SNCAIP: variants seen among roughly 807,000 people sequenced by gnomAD.
SNCAIP encodes the protein synphilin-1.
Under a neutral mutation model 86.7 loss-of-function variants are expected in SNCAIP, and 43 were observed. The observed-to-expected ratio is 0.50, with a 90% CI of 0.39 to 0.64. SNCAIP has a LOEUF of 0.64. Among genes scored for constraint, SNCAIP ranks in the 30% least tolerant of loss-of-function variants. The probability of loss-of-function intolerance (pLI) is 0.00; values close to 1 mark genes in which losing one functional copy is unlikely to be tolerated. For synonymous variants in SNCAIP, 417 were observed against 427.2 expected (o/e 0.98, Z 0.29); for missense variants, 981 against 1,103.1 (o/e 0.89, Z 1.57).
At chr5:122,407,434 C>T (rs879886400) in intron 3 of SNCAIP, among the ~76,000 whole-genome samples, 24 of 152,166 alleles carry the variant, frequency 1.6e-4, no homozygotes, top group Non-Finnish European at 2.9e-4. Flanking sequence ...CAGGGTCAGA[C>T]TCCTTGGGGA....
At chr5:122,395,067 C>T (rs554080415) in intron 2 of SNCAIP, among the ~76,000 whole-genome samples, 52 of 152,196 alleles carry the variant, frequency 3.4e-4, no homozygotes, top group African/African-American at 1.2e-3. Context: ...CATCACTATC[C>T]CTGATTGGCA....
intron 1 of SNCAIP, among the ~76,000 whole-genome samples, chr5:122,318,481 G>T (rs1752263350): frequency 6.6e-6 from 1 of 152,118 alleles, no homozygotes; most frequent in Non-Finnish European, 1.5e-5. Context: ...CCTGTGCTCA[G>T]TACAGTGCCT....
At chr5:122,385,989 T>A (rs546001046) in intron 1 of SNCAIP, among the ~76,000 whole-genome samples, 1 of 152,276 alleles carries the variant, frequency 6.6e-6, no homozygotes, top group African/African-American at 2.4e-5. Context: ...AATACATTTT[T>A]AAAAATTTTT....
chr5:122,461,435 G>A (rs1490052801), intron 10 of SNCAIP, among the ~76,000 whole-genome samples: 1 of 151,936 alleles, frequency 6.6e-6, no homozygotes. Flanking sequence ...CAATTTCTCT[G>A]TTCCCTCTTT....
In SNCAIP at chr5:122,423,711, T is replaced by A. The variant is rs1385625048; in HGVS notation, c.974T>A (p.Ile325Asn). 6.2e-7 allele frequency: 1 copy of A among 1,602,624 alleles called. No homozygotes were observed. The highest frequency in any genetic ancestry group is 2.2e-5 in the East Asian group (1 of 44,880). ...YLKKVKSILN[I>N]VKEGQISLLP... ...AAAAAAGTGAAAAGCATCTTGAACA[T>A]TGTTAAAGAAGGACAGATCTCTCTC... is the stretch of plus-strand genomic sequence containing the variant. Residue 325 changes from isoleucine (I) to asparagine (N), a missense_variant, in exon 4 of 11, where the codon ATT (isoleucine) becomes AAT (asparagine). By Grantham distance (149) the Ile-to-Asn change is moderately radical. Transcript: ENST00000261368.
At chr5:122,441,795 G>C (rs1780996390) in intron 7 of SNCAIP, among the ~76,000 whole-genome samples, 1 of 152,176 alleles carries the variant, frequency 6.6e-6, no homozygotes, top group Admixed American at 6.6e-5. Context: ...GATGGAAGAG[G>C]CATGACAATG....
intron 1 of SNCAIP, among the ~76,000 whole-genome samples, chr5:122,370,378 T>G (rs937750351): frequency 3.3e-5 from 5 of 151,682 alleles, no homozygotes; most frequent in African/African-American, 1.2e-4. Flanking sequence ...TTTATATTTC[T>G]TATACATGTA....
chr5:122,397,864 T>TAAAG (rs59837777), intron 2 of SNCAIP, among the ~76,000 whole-genome samples: 3,669 of 152,142 alleles, frequency 0.024, 140 homozygotes, highest in African/African-American at 0.085. Flanking sequence ...TTTTCAAAGT[T>TAAAG]AAATAAAACT....
At chr5:122,369,345 C>A (rs1325027447) in intron 1 of SNCAIP, among the ~76,000 whole-genome samples, 2 of 152,166 alleles carry the variant, frequency 1.3e-5, no homozygotes, top group Admixed American at 1.3e-4. Context: ...TCAAGAGGAA[C>A]CCAATGTACT....
At chr5:122,345,731 GT>G (rs2152731612) in intron 1 of SNCAIP, among the ~76,000 whole-genome samples, 2 of 152,186 alleles carry the variant, frequency 1.3e-5, no homozygotes, top group Non-Finnish European at 2.9e-5. Flanking sequence ...CACAGTCATG[GT>G]TCACTGCAAC....
intron 3 of SNCAIP, among the ~76,000 whole-genome samples, chr5:122,410,738 G>T (rs1773944228): frequency 6.6e-6 from 1 of 152,162 alleles, no homozygotes; most frequent in South Asian, 2.1e-4. Context: ...CAGGAAAATT[G>T]CTTGAGCCTG....
chr5:122,405,524 A>C (rs1051218816), intron 3 of SNCAIP, among the ~76,000 whole-genome samples: 2 of 152,186 alleles, frequency 1.3e-5, no homozygotes, highest in Admixed American at 6.5e-5. Context: ...AGGAACAGAG[A>C]TGAGAAGTTA....
chr5:122,453,352 C>T (rs533968791), intron 10 of SNCAIP, among the ~76,000 whole-genome samples: 9 of 152,256 alleles, frequency 5.9e-5, no homozygotes, highest in Non-Finnish European at 7.4e-5. Context: ...AGTCAGCCTC[C>T]GATCAGAACT....
intron 6 of SNCAIP, among the ~76,000 whole-genome samples, chr5:122,433,975 T>G (rs1219984891): frequency 6.6e-6 from 1 of 152,212 alleles, no homozygotes; most frequent in Non-Finnish European, 1.5e-5. Context: ...ATCAATACCC[T>G]ATAGTGTATT....
rs985157593 is a variant in SNCAIP at position 122,321,848 on chromosome 5, G to C, written c.-47+9564G>C. On this transcript the variant is annotated intron_variant, in intron 1 of 10. Transcript: ENST00000261368. The stretch of plus-strand genomic sequence containing the variant: ...TAGGCTTCTAACCTAGAATTGTATT[G>C]AGACTGTATACACCTTGTTTAGTTT... 5.9e-5 allele frequency: 9 copies of C among 152,120 alleles called. No homozygotes were observed. The East Asian group carries it at 1.2e-3, about 20-fold the overall frequency. The allele number at this position is 152,120 out of a possible 1,614,324, so 9.4% of individuals were successfully genotyped here.
intron 1 of SNCAIP, among the ~76,000 whole-genome samples, chr5:122,371,090 G>C (rs1452170355): frequency 2.0e-5 from 3 of 152,028 alleles, no homozygotes; most frequent in Non-Finnish European, 4.4e-5. Flanking sequence ...GAGGCAGGAG[G>C]ATCACTTGAG....
intron 1 of SNCAIP, among the ~76,000 whole-genome samples, chr5:122,366,308 C>T (rs1246618600): frequency 6.6e-6 from 1 of 152,170 alleles, no homozygotes; most frequent in Non-Finnish European, 1.5e-5. Context: ...GTTACAGGAG[C>T]TGATGACATA....
At chr5:122,354,112 C>T (rs1760499608) in intron 1 of SNCAIP, among the ~76,000 whole-genome samples, 1 of 152,184 alleles carries the variant, frequency 6.6e-6, no homozygotes, top group African/African-American at 2.4e-5. Context: ...TCTAACCTCA[C>T]AGTTTAGAAT....
intron 3 of SNCAIP, among the ~76,000 whole-genome samples, chr5:122,416,559 G>C (rs1162788005): frequency 6.6e-6 from 1 of 152,132 alleles, no homozygotes; most frequent in African/African-American, 2.4e-5. Context: ...AGTTGACTCA[G>C]CCTTAACTTT....
Sources: allele counts gnomAD v4.1 joint callset (sites outside exome capture counted in the v4.1 genomes callset), GRCh38; gene constraint gnomAD v4.1.1; transcripts MANE v1.5; gene names NCBI Gene and HGNC (gene_info 2026-07-23, HGNC 2026-07-21).